TRPM3: variants seen among roughly 807,000 people sequenced by gnomAD.
TRPM3 encodes transient receptor potential cation channel subfamily M member 3, also known as long transient receptor potential channel 3.
A neutral mutation model predicts 181.2 loss-of-function variants in TRPM3; 77 were observed. That is an observed-to-expected ratio of 0.42 (90% CI 0.35 to 0.51). The LOEUF is 0.51. TRPM3 is among the 20% of genes least tolerant of loss of function. TRPM3 has a pLI of 0.01. For missense variants in TRPM3, 1,759 were observed against 2,196.7 expected (o/e 0.80, Z 3.98); for synonymous variants, 745 against 796.4 (o/e 0.94, Z 1.09).
chr9:70,558,488 A>G (rs1461683577), intron 22 of TRPM3, among the ~76,000 whole-genome samples: 1 of 152,194 alleles, frequency 6.6e-6, no homozygotes, highest in Non-Finnish European at 1.5e-5. Flanking sequence ...ACCTGATCTG[A>G]TACCAAGGTT....
intron 1 of TRPM3, among the ~76,000 whole-genome samples, chr9:71,163,813 C>G (rs1413613029): frequency 6.6e-6 from 1 of 152,024 alleles, no homozygotes; most frequent in African/African-American, 2.4e-5. Context: ...GGCCACAGAT[C>G]CTGGAAAGAG....
At chr9:71,058,515 T>G (rs1471976173) in intron 1 of TRPM3, among the ~76,000 whole-genome samples, 1 of 152,048 alleles carries the variant, frequency 6.6e-6, no homozygotes, top group Non-Finnish European at 1.5e-5. Flanking sequence ...GTCTACCTGA[T>G]GTATCTTGTA....
chr9:70,783,726 A>T, intron 7 of TRPM3: 1 of 495,852 alleles, frequency 2.0e-6, no homozygotes, highest in African/African-American at 2.1e-5. Context: ...GCTTCTCTGA[A>T]GTTACCAACC....
intron 9 of TRPM3, among the ~76,000 whole-genome samples, chr9:70,656,187 T>C (rs1475248858): frequency 1.3e-5 from 2 of 152,192 alleles, no homozygotes; most frequent in Admixed American, 6.5e-5. Flanking sequence ...ATCAAGCAAT[T>C]TTATACTAAT....
At chr9:71,022,157 T>C (rs1590722706) in intron 1 of TRPM3, among the ~76,000 whole-genome samples, 1 of 152,172 alleles carries the variant, frequency 6.6e-6, no homozygotes, top group African/African-American at 2.4e-5. Flanking sequence ...TATAGCTACA[T>C]TAATCAGGAA....
chr9:70,579,366 C>A (rs2054992959), intron 22 of TRPM3: 1 of 152,220 alleles, frequency 6.6e-6, no homozygotes, highest in Non-Finnish European at 1.5e-5. Flanking sequence ...CTGATCGACA[C>A]AGCACACTAT....
chr9:71,433,150 G>A (rs954453660), intron 1 of TRPM3, among the ~76,000 whole-genome samples: 3 of 152,116 alleles, frequency 2.0e-5, no homozygotes, highest in African/African-American at 4.8e-5. Flanking sequence ...CTTCTTTGCA[G>A]CCATGAATGA....
rs76152459 is a variant in TRPM3 at position 71,255,278 on chromosome 9, C to G, written c.183+191375G>C. On this transcript the variant is annotated intron_variant, in intron 1 of 24. Transcript: ENST00000357533. ...TTTGTAATGCTCATTTTAAAAAATG[C>G]TAAATGGTTAGTCAAGAATTAGAAG... is the stretch of plus-strand genomic sequence containing the variant. Among the ~76,000 whole-genome samples the G allele has an allele frequency of 3.2e-3, 483 of 152,162 alleles. 2 individuals are homozygous for G. Among genetic ancestry groups the G allele is most frequent in the African/African-American group, 0.011 (455 of 41,520 alleles).
chr9:71,212,767 ACT>A (rs2079585730), intron 1 of TRPM3, among the ~76,000 whole-genome samples: 1 of 152,108 alleles, frequency 6.6e-6, no homozygotes, highest in Admixed American at 6.5e-5. Flanking sequence ...TGAAAGTAAA[ACT>A]CTATTTTAAT....
chr9:71,240,942 A>G (rs1043981620), intron 1 of TRPM3, among the ~76,000 whole-genome samples: 49 of 152,196 alleles, frequency 3.2e-4, no homozygotes, highest in African/African-American at 1.2e-3. Context: ...CCTACTATGT[A>G]GATTGTGCTT....
chr9:71,026,409 A>C (rs2056502084), intron 1 of TRPM3, among the ~76,000 whole-genome samples: 1 of 152,146 alleles, frequency 6.6e-6, no homozygotes, highest in Admixed American at 6.5e-5. Context: ...AGAGTGCTCC[A>C]GCAGAGCAGC....
In TRPM3 at chr9:70,765,421, C is replaced by T. The variant is rs1200777969; in HGVS notation, c.1149-3697G>A. ...GCCTGGCCAACATATTGAAACCCCA[C>T]CTCTACTAAAAATTCAAAAATTAGC... On this transcript the variant is annotated intron_variant, in intron 7 of 25. Coordinates refer to ENST00000677713, the MANE Select transcript of TRPM3 (RefSeq NM_001366145.2). Among the ~76,000 whole-genome samples the T allele has an allele frequency of 2.0e-5, 3 of 151,832 alleles. No individual in the cohort carries two copies. The East Asian group carries it at 5.8e-4, about 29-fold the overall frequency.
intron 1 of TRPM3, among the ~76,000 whole-genome samples, chr9:70,987,532 A>G (rs913873197): frequency 1.3e-5 from 2 of 152,128 alleles, no homozygotes; most frequent in African/African-American, 4.8e-5. Flanking sequence ...ATTCCCCAAT[A>G]TTCCATGAAT....
chr9:70,816,365 G>T (rs2092688314), intron 6 of TRPM3, among the ~76,000 whole-genome samples: 1 of 152,248 alleles, frequency 6.6e-6, no homozygotes, highest in African/African-American at 2.4e-5. Context: ...GATAATTGGT[G>T]TAAGAATCCT....
intron 1 of TRPM3, among the ~76,000 whole-genome samples, chr9:71,064,066 A>C (rs2061624352): frequency 6.6e-6 from 1 of 152,162 alleles, no homozygotes; most frequent in Admixed American, 6.6e-5. Context: ...TTCCCATTAA[A>C]GAAGTTTCTA....
chr9:70,646,875 C>CA (rs200789716), intron 9 of TRPM3, among the ~76,000 whole-genome samples: 25,852 of 85,016 alleles, frequency 0.3, 2,577 homozygotes, highest in South Asian at 0.42. Flanking sequence ...CATGGAAGTA[C>CA]AAAAAAAAAA....
At chr9:71,309,869 T>C (rs1283869106) in intron 1 of TRPM3, among the ~76,000 whole-genome samples, 1 of 152,156 alleles carries the variant, frequency 6.6e-6, no homozygotes, top group African/African-American at 2.4e-5. Context: ...TAAAAATTTC[T>C]AAGAGTGATT....
chr9:71,051,891 G>T (rs535153362), intron 1 of TRPM3, among the ~76,000 whole-genome samples: 1 of 152,136 alleles, frequency 6.6e-6, no homozygotes, highest in African/African-American at 2.4e-5. Flanking sequence ...ACTGGGTGGG[G>T]TGAAGGGTGA....
At chr9:70,917,297 T>C in intron 1 of TRPM3, 1 of 1,365,640 alleles carries the variant, frequency 7.3e-7, no homozygotes, top group Non-Finnish European at 1.0e-6. Context: ...GCGAAAGTGG[T>C]ATATTATTAA....
Sources: gnomAD v4.1 joint callset for allele counts (sites outside exome capture counted in the v4.1 genomes callset) on GRCh38, gnomAD v4.1.1 for gene constraint, MANE v1.5 for transcripts, NCBI Gene and HGNC (gene_info 2026-07-23, HGNC 2026-07-21) for gene names.